Variants in MGST2 observed in about 807,000 individuals in gnomAD.
MGST2 encodes the protein glutathione peroxidase MGST2.
A neutral mutation model predicts 16.6 loss-of-function variants in MGST2; 9 were observed. That is an observed-to-expected ratio of 0.54 (90% CI 0.33 to 0.95). The LOEUF is 0.95. Among genes scored for constraint, MGST2 ranks in the 40% least tolerant of loss-of-function variants. MGST2 has a pLI of 0.03. For missense variants in MGST2, 159 were observed against 175.1 expected (o/e 0.91, Z 0.52); for synonymous variants, 79 against 68.0 (o/e 1.16, Z -0.79).
intron 2 of MGST2, among the ~76,000 whole-genome samples, chr4:139,693,485 C>T (rs866460164): frequency 3.3e-5 from 5 of 151,768 alleles, no homozygotes; most frequent in Admixed American, 2.0e-4. Flanking sequence ...CATTTTACCT[C>T]GTGGGAAACA....
At chr4:139,688,101 A>G (rs1428455373) in intron 2 of MGST2, among the ~76,000 whole-genome samples, 2 of 152,180 alleles carry the variant, frequency 1.3e-5, no homozygotes, top group African/African-American at 2.4e-5. Flanking sequence ...CTCTGATTCT[A>G]CCTTCACTGG....
chr4:139,690,299 T>A (rs778476616), intron 2 of MGST2, among the ~76,000 whole-genome samples: 2 of 151,776 alleles, frequency 1.3e-5, no homozygotes, highest in Non-Finnish European at 2.9e-5. Flanking sequence ...GCCTTAAATT[T>A]TTTTAAAAAA....
At chr4:139,734,872 G>T (rs1728870957) in intron 5 of MGST2, among the ~76,000 whole-genome samples, 1 of 152,274 alleles carries the variant, frequency 6.6e-6, no homozygotes, top group Non-Finnish European at 1.5e-5. Flanking sequence ...GGGTGACGGG[G>T]ACCCCGTGGA....
At chr4:139,728,939 A>G (rs1296234076) in intron 5 of MGST2, among the ~76,000 whole-genome samples, 1 of 152,104 alleles carries the variant, frequency 6.6e-6, no homozygotes, top group Non-Finnish European at 1.5e-5. Context: ...CATCAGGCAC[A>G]CCTGAGATTT....
At chr4:139,711,775 A>G (rs905130181) in intron 5 of MGST2, among the ~76,000 whole-genome samples, 1 of 152,184 alleles carries the variant, frequency 6.6e-6, no homozygotes, top group South Asian at 2.1e-4. Context: ...CCTATTTAAG[A>G]TGGAGTTGCC....
chr4:139,666,133 T>TGTGTGTGA, intron 1 of MGST2, 56 bp downstream of exon 1: 1 of 1,542,184 alleles, frequency 6.5e-7, no homozygotes, highest in Admixed American at 1.7e-5. Context: ...TGTGTGTGTG[T>TGTGTGTGA]GACAAGGCTT....
At chr4:139,747,843 T>A in the MGST2 span, among the ~76,000 whole-genome samples, 1 of 151,618 alleles carries the variant, frequency 6.6e-6, no homozygotes, top group Non-Finnish European at 1.5e-5. Flanking sequence ...CACCTGAGGT[T>A]AGGAGTTCGA....
At chr4:139,748,545 G>A in the MGST2 span, among the ~76,000 whole-genome samples, 2 of 152,170 alleles carry the variant, frequency 1.3e-5, no homozygotes, top group Non-Finnish European at 2.9e-5. Context: ...GGAGGCTGCT[G>A]GGGAAAAGTC....
chr4:139,668,414 A>G (rs1730484703), intron 1 of MGST2, among the ~76,000 whole-genome samples: 1 of 152,260 alleles, frequency 6.6e-6, no homozygotes, highest in Non-Finnish European at 1.5e-5. Flanking sequence ...ACAACTTTGC[A>G]GGACCATTTC....
chr4:139,709,661 G>A (rs1354738565), intron 5 of MGST2, among the ~76,000 whole-genome samples: 4 of 152,208 alleles, frequency 2.6e-5, no homozygotes, highest in Admixed American at 1.3e-4. Context: ...TTTCCTGGTT[G>A]TTTAAAAATG....
intron 1 of MGST2, among the ~76,000 whole-genome samples, chr4:139,671,369 A>T (rs1730683714): frequency 6.6e-6 from 1 of 152,264 alleles, no homozygotes; most frequent in East Asian, 1.9e-4. Context: ...AAAGGAGATT[A>T]TTATCTAGAG....
rs1379420056 is a variant in MGST2, at chr4:139,713,563, A to AG, written c.*48+9368dup. ...TTCCAGAAAAACAAGTTCCAAAAAG[A>AG]GAAAATCATTAATGGCCTTTTAAAT... On this transcript the variant is annotated intron_variant, in intron 5 of 5. Coordinates refer to the MGST2 transcript ENST00000616265. Among the ~76,000 whole-genome samples the AG allele has an allele frequency of 3.3e-5, 5 of 150,604 alleles. No individual in the cohort carries two copies. In the South Asian group the frequency reaches 8.3e-4, roughly 25 times the overall value.
intron 5 of MGST2, among the ~76,000 whole-genome samples, chr4:139,739,108 C>A (rs1729064756): frequency 6.6e-6 from 1 of 152,238 alleles, no homozygotes; most frequent in African/African-American, 2.4e-5. Context: ...TACAGATTTA[C>A]TGAACTCAAC....
Position 139,704,126 on chromosome 4 carries a change from A to G in MGST2, c.422A>G (p.Lys141Arg). ...GAATATCTGGACCTCAATATTGCCA[A>G]GAAACTGAGGCGGCAATTCTAACTT... The part of the protein sequence containing the change: ...LDEYLDLNIA[K>R]KLRRQF Residue 141 changes from lysine (K) to arginine (R), a missense_variant, in exon 5 of 5, where the codon AAG (lysine) becomes AGG (arginine). Coordinates refer to ENST00000265498, the MANE Select transcript of MGST2 (RefSeq NM_002413.5). The G allele has an allele frequency of 6.2e-7, 1 of 1,614,226 alleles. No individual in the cohort carries two copies. Among genetic ancestry groups the G allele is most frequent in the African/African-American group, 1.3e-5 (1 of 75,052 alleles).
At chr4:139,744,512 C>T (rs1298173915), downstream of MGST2, among the ~76,000 whole-genome samples, 1 of 152,192 alleles carries the variant, frequency 6.6e-6, no homozygotes, top group Non-Finnish European at 1.5e-5. Flanking sequence ...AACAAGTATA[C>T]CTCCCCCTGA....
chr4:139,676,448 G>A (rs1450079101), intron 1 of MGST2, among the ~76,000 whole-genome samples: 1 of 152,164 alleles, frequency 6.6e-6, no homozygotes, highest in Non-Finnish European at 1.5e-5. Context: ...GAAATCTGCA[G>A]GAAAGGCTGG....
At chr4:139,708,492 A>G (rs938446473), downstream of MGST2, among the ~76,000 whole-genome samples, 1 of 152,170 alleles carries the variant, frequency 6.6e-6, no homozygotes, top group Non-Finnish European at 1.5e-5. Flanking sequence ...GAAGTCAGGT[A>G]TCGTGATGCC....
At chr4:139,670,510 CA>C (rs1294518419) in intron 1 of MGST2, among the ~76,000 whole-genome samples, 2 of 152,124 alleles carry the variant, frequency 1.3e-5, no homozygotes, top group African/African-American at 2.4e-5. Flanking sequence ...ATCTTAAAGC[CA>C]GGGGGCTTAC....
At chr4:139,732,960 A>C (rs1306266754) in intron 5 of MGST2, among the ~76,000 whole-genome samples, 1 of 152,228 alleles carries the variant, frequency 6.6e-6, no homozygotes, top group African/African-American at 2.4e-5. Flanking sequence ...ATCTTACACT[A>C]AAAAATGCCA....
Sources: gnomAD v4.1 joint callset for allele counts (sites outside exome capture counted in the v4.1 genomes callset) on GRCh38, gnomAD v4.1.1 for gene constraint, MANE v1.5 for transcripts, NCBI Gene and HGNC (gene_info 2026-07-23, HGNC 2026-07-21) for gene names.